The following RAB3C variants were observed in gnomAD, a reference collection of about 807,000 sequenced individuals.
RAB3C encodes RAB3C, member RAS oncogene family.
Under a neutral mutation model 26.4 loss-of-function variants are expected in RAB3C, and 17 were observed. That is an observed-to-expected ratio of 0.64 (90% CI 0.44 to 0.97). The LOEUF (loss-of-function observed/expected upper bound fraction) is 0.97, where lower values mean the gene tolerates loss of function less well. RAB3C is among the 50% of genes least tolerant of loss of function. RAB3C has a pLI of 0.00. For synonymous variants in RAB3C, 91 were observed against 95.9 expected (o/e 0.95, Z 0.30); for missense variants, 242 against 281.9 (o/e 0.86, Z 1.01).
At chr5:58,794,455 C>T (rs1464209812) in intron 3 of RAB3C, 1 of 151,910 alleles carries the variant, frequency 6.6e-6, no homozygotes, top group Non-Finnish European at 1.5e-5. Flanking sequence ...CTTCCAGTTT[C>T]CCCCCGAAGC....
intron 2 of RAB3C, among the ~76,000 whole-genome samples, chr5:58,682,342 A>G (rs964898160): frequency 6.6e-6 from 1 of 152,180 alleles, no homozygotes; most frequent in African/African-American, 2.4e-5. Context: ...TGCCACTGCC[A>G]CTATGTTAAA....
At chr5:58,657,373 T>G (rs1747803837) in intron 2 of RAB3C, among the ~76,000 whole-genome samples, 1 of 147,882 alleles carries the variant, frequency 6.8e-6, no homozygotes, top group Non-Finnish European at 1.5e-5. Context: ...CCACCTATAC[T>G]CCAATAATTT....
chr5:58,843,388 A>G (rs912610950), intron 4 of RAB3C, among the ~76,000 whole-genome samples: 14 of 152,330 alleles, frequency 9.2e-5, no homozygotes, highest in African/African-American at 3.4e-4. Context: ...TTTGTTGACA[A>G]TTCATAAATA....
Position 58,852,035 on chromosome 5 carries a change from G to A in RAB3C, c.*684G>A, listed in dbSNP as rs545165810. 2.0e-4 allele frequency: 30 copies of A among 152,112 alleles called. No homozygotes were observed. Among genetic ancestry groups the A allele is most frequent in the African/African-American group, 5.5e-4 (23 of 41,492 alleles). The allele number at this position is 152,112 out of a possible 1,614,324, so 9.4% of individuals were successfully genotyped here. A position where few individuals can be genotyped will look rare whatever the true frequency, so the allele number is the denominator to read the frequency against. On this transcript the variant is annotated 3_prime_UTR_variant, in exon 5 of 5. Transcript: ENST00000282878. Reference sequence around the variant, plus strand: ...CTGGGGCTATTTAACAATAATCTTCGTTTACACATTTAAATAAGCAAGTAT... The same window carrying A: ...CTGGGGCTATTTAACAATAATCTTCATTTACACATTTAAATAAGCAAGTAT...
chr5:58,756,078 C>T (rs1484914789), intron 3 of RAB3C, among the ~76,000 whole-genome samples: 3 of 149,718 alleles, frequency 2.0e-5, no homozygotes, highest in African/African-American at 7.6e-5. Context: ...AATACCCATA[C>T]ACCCTTTTCC....
intron 3 of RAB3C, among the ~76,000 whole-genome samples, chr5:58,822,180 C>T (rs1743357663): frequency 6.6e-6 from 1 of 152,134 alleles, no homozygotes; most frequent in Non-Finnish European, 1.5e-5. Context: ...ACAATAAATG[C>T]ACTAGAACTT....
chr5:58,587,457 T>G (rs1310030935), intron 1 of RAB3C, among the ~76,000 whole-genome samples: 1 of 152,156 alleles, frequency 6.6e-6, no homozygotes, highest in African/African-American at 2.4e-5. Context: ...GGGAATCATC[T>G]TAGCAGGTCA....
chr5:58,603,587 G>C (rs1436098940), intron 1 of RAB3C, among the ~76,000 whole-genome samples: 1 of 151,972 alleles, frequency 6.6e-6, no homozygotes, highest in Non-Finnish European at 1.5e-5. Flanking sequence ...TTTTCTACTT[G>C]TTCAATTCTA....
At chr5:58,649,532 T>C (rs1345751677) in intron 2 of RAB3C, among the ~76,000 whole-genome samples, 1 of 151,982 alleles carries the variant, frequency 6.6e-6, no homozygotes, top group Non-Finnish European at 1.5e-5. Flanking sequence ...TCCACCTTAC[T>C]GTCTGCCCAT....
chr5:58,707,230 C>T (rs1484840646), intron 2 of RAB3C, among the ~76,000 whole-genome samples: 1 of 152,016 alleles, frequency 6.6e-6, no homozygotes, highest in Non-Finnish European at 1.5e-5. Context: ...GTAATCACAC[C>T]TTTTTTAAAA....
chr5:58,823,106 A>G (rs1053193751), intron 3 of RAB3C: 1 of 471,266 alleles, frequency 2.1e-6, no homozygotes, highest in Admixed American at 2.5e-5. Context: ...GAAACACATC[A>G]TGGGTCAGAA....
chr5:58,658,654 T>G (rs770529466), intron 2 of RAB3C, among the ~76,000 whole-genome samples: 3 of 152,188 alleles, frequency 2.0e-5, no homozygotes, highest in African/African-American at 4.8e-5. Context: ...CAATTTGGAC[T>G]GGGTTTAGCT....
intron 2 of RAB3C, among the ~76,000 whole-genome samples, chr5:58,645,459 G>C (rs992362195): frequency 1.3e-5 from 2 of 152,188 alleles, no homozygotes; most frequent in Admixed American, 1.3e-4. Context: ...CTTTGAGTAA[G>C]ATAATTGTTG....
intron 1 of RAB3C, among the ~76,000 whole-genome samples, chr5:58,587,079 GC>G (rs1449480538): frequency 6.6e-6 from 1 of 152,080 alleles, no homozygotes; most frequent in East Asian, 1.9e-4. Context: ...CTCCATTTGG[GC>G]TAATTGCTCA....
chr5:58,779,289 T>C (rs1205287372), intron 3 of RAB3C, among the ~76,000 whole-genome samples: 1 of 151,256 alleles, frequency 6.6e-6, no homozygotes, highest in Admixed American at 6.6e-5. Flanking sequence ...TTGTAGACTT[T>C]TCAAGAATGA....
chr5:58,839,349 T>TTTATTTATTTA (rs60911473), intron 4 of RAB3C, among the ~76,000 whole-genome samples: 2,425 of 98,834 alleles, frequency 0.025, 87 homozygotes, highest in African/African-American at 0.066. Context: ...TAAGTTTTTA[T>TTTATTTATTTA]TTTATTTATT....
At chr5:58,757,927 T>C (rs1257357030) in intron 3 of RAB3C, among the ~76,000 whole-genome samples, 2 of 142,080 alleles carry the variant, frequency 1.4e-5, no homozygotes, top group Non-Finnish European at 3.1e-5. Context: ...TTTTTGTTGT[T>C]GTTGTTGTTT....
chr5:58,599,695 T>C (rs569775320), intron 1 of RAB3C, among the ~76,000 whole-genome samples: 1 of 151,310 alleles, frequency 6.6e-6, no homozygotes, highest in South Asian at 2.1e-4. Flanking sequence ...TTTTTCTTTT[T>C]TTTTTCTTTT....
At chr5:58,813,265 A>G (rs1743127175) in intron 3 of RAB3C, among the ~76,000 whole-genome samples, 1 of 152,174 alleles carries the variant, frequency 6.6e-6, no homozygotes, top group African/African-American at 2.4e-5. Context: ...TACAATCATT[A>G]TATATTTATG....
Sources: allele counts gnomAD v4.1 joint callset (sites outside exome capture counted in the v4.1 genomes callset), GRCh38; gene constraint gnomAD v4.1.1; transcripts MANE v1.5; gene names NCBI Gene and HGNC (gene_info 2026-07-23, HGNC 2026-07-21).